The following SFMBT2 variants were observed in gnomAD, a reference collection of about 807,000 sequenced individuals.
SFMBT2 encodes scm-like with four MBT domains protein 2.
In SFMBT2, 38 loss-of-function variants were observed where a neutral mutation model predicts 110.1. The observed-to-expected ratio is 0.35, with a 90% CI of 0.27 to 0.45. SFMBT2 has a LOEUF of 0.45. Ranked by LOEUF, SFMBT2 falls within the 20% of genes least tolerant of loss-of-function variation. The probability of loss-of-function intolerance (pLI) is 1.00; values close to 1 mark genes in which losing one functional copy is unlikely to be tolerated. For missense variants in SFMBT2, 1,011 were observed against 1,094.9 expected (o/e 0.92, Z 1.08); for synonymous variants, 425 against 425.4 (o/e 1.00, Z 0.01).
At chr10:7,285,772 C>A in intron 5 of SFMBT2, 94 bp downstream of exon 5, 1 of 745,174 alleles carries the variant, frequency 1.3e-6, no homozygotes, top group East Asian at 2.5e-5. Context: ...AAGCACGCAT[C>A]TGCTGAAGGA....
intron 4 of SFMBT2, among the ~76,000 whole-genome samples, chr10:7,325,147 T>C (rs1042570753): frequency 2.6e-5 from 4 of 151,718 alleles, no homozygotes; most frequent in African/African-American, 9.7e-5. Context: ...TTTGTATTTT[T>C]AGTAGAGACG....
intron 16 of SFMBT2, among the ~76,000 whole-genome samples, chr10:7,180,192 T>G (rs1175479446): frequency 6.6e-6 from 1 of 151,762 alleles, no homozygotes; most frequent in African/African-American, 2.4e-5. Context: ...GTGCAAGAGC[T>G]CAGCTCACTG....
At chr10:7,204,178 A>T (rs1023408313) in intron 12 of SFMBT2, 2 of 257,632 alleles carry the variant, frequency 7.8e-6, no homozygotes, top group Non-Finnish European at 1.2e-5. Flanking sequence ...GGAGAATCCC[A>T]TAGAATCCAG....
chr10:7,174,314 T>C (rs1050366565), intron 17 of SFMBT2, among the ~76,000 whole-genome samples: 2 of 152,160 alleles, frequency 1.3e-5, no homozygotes, highest in Non-Finnish European at 2.9e-5. Context: ...ACCCCAAGCG[T>C]GCATGACAGG....
chr10:7,244,552 G>A (rs1363341408), intron 8 of SFMBT2, among the ~76,000 whole-genome samples: 1 of 152,160 alleles, frequency 6.6e-6, no homozygotes, highest in Non-Finnish European at 1.5e-5. Flanking sequence ...AAACATCAAT[G>A]AAGAAATAAG....
At chr10:7,204,821 C>G (rs978975317) in intron 12 of SFMBT2, 1 of 429,516 alleles carries the variant, frequency 2.3e-6, no homozygotes, top group African/African-American at 2.2e-5. Flanking sequence ...TGCAGAGAGC[C>G]GAGATAGCGC....
chr10:7,200,197 A>C (rs1432276718), intron 14 of SFMBT2, among the ~76,000 whole-genome samples: 1 of 152,244 alleles, frequency 6.6e-6, no homozygotes, highest in Non-Finnish European at 1.5e-5. Flanking sequence ...AACTATCTAG[A>C]GCTACTGGCC....
intron 17 of SFMBT2, among the ~76,000 whole-genome samples, chr10:7,175,482 T>G (rs532078335): frequency 6.6e-6 from 1 of 152,272 alleles, no homozygotes; most frequent in African/African-American, 2.4e-5. Flanking sequence ...AAAGTGATGG[T>G]GGCTTCTGAG....
At chr10:7,311,391 G>A (rs752566425) in intron 4 of SFMBT2, among the ~76,000 whole-genome samples, 3 of 152,112 alleles carry the variant, frequency 2.0e-5, no homozygotes, top group African/African-American at 4.8e-5. Context: ...TTCCATTGAC[G>A]GCGACTCGGT....
intron 9 of SFMBT2, among the ~76,000 whole-genome samples, chr10:7,237,825 T>C (rs550189891): frequency 2.0e-5 from 3 of 152,292 alleles, no homozygotes; most frequent in South Asian, 4.1e-4. Context: ...GGGAAGGAGA[T>C]GCAAATGTTG....
intron 12 of SFMBT2, 108 bp from the exon 13 acceptor site, chr10:7,202,630 T>C: frequency 6.3e-7 from 1 of 1,579,624 alleles, no homozygotes; most frequent in Non-Finnish European, 8.6e-7. Flanking sequence ...AAGTAGCAAT[T>C]TAAATGCTGA....
chr10:7,335,185 A>G (rs536591437), intron 4 of SFMBT2, among the ~76,000 whole-genome samples: 26 of 152,340 alleles, frequency 1.7e-4, no homozygotes, highest in East Asian at 5.8e-4. Context: ...AGAGTTTCCA[A>G]TGGGGGAGAG....
chr10:7,378,698 G>A (rs1375748781), intron 2 of SFMBT2, among the ~76,000 whole-genome samples: 1 of 149,246 alleles, frequency 6.7e-6, no homozygotes, highest in Admixed American at 6.7e-5. Flanking sequence ...ATGGTCGGGT[G>A]TGTGCATGGG....
At chr10:7,183,430 T>A (rs1838301421) in intron 16 of SFMBT2, among the ~76,000 whole-genome samples, 1 of 152,224 alleles carries the variant, frequency 6.6e-6, no homozygotes, top group Non-Finnish European at 1.5e-5. Flanking sequence ...ACACAGGAGA[T>A]GCTCTTGCTG....
intron 6 of SFMBT2, among the ~76,000 whole-genome samples, chr10:7,281,512 C>G (rs1180311143): frequency 6.6e-6 from 1 of 152,140 alleles, no homozygotes; most frequent in Non-Finnish European, 1.5e-5. Flanking sequence ...TTTATTCTCG[C>G]CTAGATTCCA....
intron 1 of SFMBT2, among the ~76,000 whole-genome samples, chr10:7,392,230 C>A (rs1189652569): frequency 6.6e-6 from 1 of 152,106 alleles, no homozygotes; most frequent in African/African-American, 2.4e-5. Flanking sequence ...AAAATAGTAT[C>A]CTGCCTGGGT....
chr10:7,361,319 G>C (rs959012287), intron 4 of SFMBT2, among the ~76,000 whole-genome samples: 3 of 152,184 alleles, frequency 2.0e-5, no homozygotes, highest in African/African-American at 7.2e-5. Context: ...AAAAGGGTCA[G>C]TCTCATAAAA....
At chr10:7,323,759 G>A (rs1475624119) in intron 4 of SFMBT2, among the ~76,000 whole-genome samples, 1 of 151,988 alleles carries the variant, frequency 6.6e-6, no homozygotes, top group Non-Finnish European at 1.5e-5. Flanking sequence ...AAGTTCCTTG[G>A]AACAATGTAT....
intron 7 of SFMBT2, among the ~76,000 whole-genome samples, chr10:7,276,055 G>A (rs1841764914): frequency 6.6e-6 from 1 of 152,234 alleles, no homozygotes; most frequent in African/African-American, 2.4e-5. Flanking sequence ...GGATGAACCT[G>A]AATGGACCAT....
Sources: gnomAD v4.1 joint callset for allele counts (sites outside exome capture counted in the v4.1 genomes callset) on GRCh38, gnomAD v4.1.1 for gene constraint, MANE v1.5 for transcripts, NCBI Gene and HGNC (gene_info 2026-07-23, HGNC 2026-07-21) for gene names.